RPA1: variants seen among roughly 807,000 people sequenced by gnomAD.
The protein encoded by RPA1 is replication protein A1.
In RPA1, 49 loss-of-function variants were observed where a neutral mutation model predicts 83.0. That is an observed-to-expected ratio of 0.59 (90% CI 0.47 to 0.75). The LOEUF is 0.75. Among genes scored for constraint, RPA1 ranks in the 30% least tolerant of loss-of-function variants. The pLI is 0.00. For missense variants in RPA1, 693 were observed against 776.1 expected, an observed-to-expected ratio of 0.89 and a Z score of 1.27; for synonymous variants, 279 against 281.8, an observed-to-expected ratio of 0.99 and a Z score of 0.10.
chr17:1,871,612 A>G (rs1396317699), intron 5 of RPA1, among the ~76,000 whole-genome samples: 1 of 152,248 alleles, frequency 6.6e-6, no homozygotes, highest in Non-Finnish European at 1.5e-5. Flanking sequence ...AGGCAAAGTC[A>G]AATTCCATAA....
chr17:1,830,710 T>C (rs1911520105), intron 1 of RPA1: 1 of 152,168 alleles, frequency 6.6e-6, no homozygotes, highest in Non-Finnish European at 1.5e-5. Context: ...AAGTCCCTCT[T>C]TGTAAATTTT....
chr17:1,883,819 G>A lies in RPA1; in HGVS notation c.1249G>A (p.Ala417Thr), dbSNP rs534687363. ...ATTCGTTCACGTTTTCAGGTTTGAC[G>A]CAGAAGGACAAGCCTTAGATGGTGT... ...EAYKLRGWFD[A>T]EGQALDGVSI... The change falls in exon 13 of 17, where the codon GCA becomes ACA. Residue 417 changes from alanine to threonine, a missense_variant. Ala to Thr is a moderately conservative substitution (Grantham distance 58). Coordinates refer to ENST00000254719, the MANE Select transcript of RPA1 (RefSeq NM_002945.5). 9.3e-6 allele frequency: 15 copies of A among 1,614,066 alleles called. No homozygotes were observed. The East Asian group carries it at 1.1e-4, about 12-fold the overall frequency.
At chr17:1,883,761 A>G (rs1913888716) in intron 12 of RPA1, 51 bp from the exon 13 acceptor site, 1 of 1,609,254 alleles carries the variant, frequency 6.2e-7, no homozygotes, top group Non-Finnish European at 8.5e-7. Flanking sequence ...GTGGAGAAGC[A>G]GAAGCATGTC....
At chr17:1,888,417 T>C (rs145283522) in intron 13 of RPA1, among the ~76,000 whole-genome samples, 1 of 152,338 alleles carries the variant, frequency 6.6e-6, no homozygotes, top group South Asian at 2.1e-4. Context: ...TAATTTAGGA[T>C]TAACTCTTTT....
chr17:1,834,310 G>T (rs370620518), intron 1 of RPA1, among the ~76,000 whole-genome samples: 3 of 152,258 alleles, frequency 2.0e-5, no homozygotes, highest in African/African-American at 4.8e-5. Flanking sequence ...TCTCGCCTCA[G>T]CTTCCCAAAG....
At position 1,897,486 on chromosome 17, in the gene RPA1, C is replaced by G. The variant is rs1369145377; in HGVS notation, c.*311C>G. On this transcript the variant is annotated 3_prime_UTR_variant, in exon 17 of 17. Coordinates refer to ENST00000254719, the MANE Select transcript of RPA1 (RefSeq NM_002945.5). The stretch of plus-strand genomic sequence containing the variant: ...CAAGCAGGAATTATGTCGTAAGTCA[C>G]TGACCCTAACTGCAGACCATGAAGT... 1 of 249,432 alleles carries G rather than the reference C, an allele frequency of 4.0e-6. No homozygotes were observed. Among genetic ancestry groups the G allele is most frequent in the East Asian group, 9.5e-5 (1 of 10,504 alleles). 15.5% of individuals were successfully genotyped at this position (249,432 alleles called of 1,614,324 possible).
chr17:1,838,968 A>G (rs1911934771), intron 1 of RPA1, among the ~76,000 whole-genome samples: 1 of 151,960 alleles, frequency 6.6e-6, no homozygotes, highest in African/African-American at 2.4e-5. Context: ...CTCCTGCCTC[A>G]GCCTCCCGAG....
intron 13 of RPA1, 126 bp from the exon 14 acceptor site, chr17:1,888,549 A>G (rs1193675662): frequency 7.3e-6 from 6 of 823,942 alleles, no homozygotes; most frequent in Non-Finnish European, 1.1e-5. Context: ...CCCTGTGATC[A>G]TGTGTAATCT....
intron 5 of RPA1, among the ~76,000 whole-genome samples, chr17:1,863,502 C>T (rs533156022): frequency 6.6e-4 from 101 of 152,204 alleles, no homozygotes; most frequent in African/African-American, 2.3e-3. Flanking sequence ...TGTGAGCCAC[C>T]GTGCCTGGCC....
Position 1,888,661 on chromosome 17 carries a change from C to G in RPA1, c.1375-14C>G. Reference sequence around the variant, plus strand: ...TCGCGACTCCGTGCCTCATGCTGTTCTTTTCTCCCGAAGCCGGACTACTTT... The same window carrying G: ...TCGCGACTCCGTGCCTCATGCTGTTGTTTTCTCCCGAAGCCGGACTACTTT... On this transcript the variant is annotated splice_polypyrimidine_tract_variant and intron_variant, in intron 13 of 16. Coordinates refer to ENST00000254719, the MANE Select transcript of RPA1 (RefSeq NM_002945.5). 6.2e-7 allele frequency: 1 copy of G among 1,604,746 alleles called. No individual in the cohort carries two copies. The highest frequency in any genetic ancestry group is 8.5e-7 in the Non-Finnish European group (1 of 1,173,044).
In RPA1 at chr17:1,857,792, G is replaced by A. The variant is rs1278889118; in HGVS notation, c.361+4603G>A. On this transcript the variant is annotated intron_variant, in intron 5 of 16. Coordinates refer to ENST00000254719, the MANE Select transcript of RPA1 (RefSeq NM_002945.5). ...GAGAATAACTGCTTCTAGGCCGAGAGTAGGCAAGCTGTGGGCAAAAAAGGG... is the reference window on the plus strand; with the variant it reads ...GAGAATAACTGCTTCTAGGCCGAGAATAGGCAAGCTGTGGGCAAAAAAGGG... 5.6e-5 allele frequency among the ~76,000 whole-genome samples: 8 copies of A among 143,202 alleles called. No individual in the cohort carries two copies. The Admixed American group carries it at 5.7e-4, about 10-fold the overall frequency. The allele number at this position is 143,202 out of a possible 152,430, so 93.9% of individuals were successfully genotyped here.
At chr17:1,859,501 T>C (rs981070065) in intron 5 of RPA1, among the ~76,000 whole-genome samples, 2 of 152,244 alleles carry the variant, frequency 1.3e-5, no homozygotes, top group African/African-American at 2.4e-5. Context: ...ATCTATATAA[T>C]TTAGAATTCT....
In RPA1 at chr17:1,897,167, TTGA is replaced by T. The variant is rs1336793736; in HGVS notation, c.1846_1848del (p.Met616del). On this transcript the variant is annotated inframe_deletion, in exon 17 of 17. Coordinates refer to ENST00000254719, the MANE Select transcript of RPA1 (RefSeq NM_002945.5). ...GGTCATGAGCATCAGGAGAAGTGCA[TTGA>T]TGTGAGAGGAGCAGTGCCAATCGGG... 1.3e-6 allele frequency: 2 copies of T among 1,554,984 alleles called. No homozygotes were observed. The highest frequency in any genetic ancestry group is 2.7e-5 in the African/African-American group (2 of 73,202).
intron 5 of RPA1, among the ~76,000 whole-genome samples, chr17:1,869,736 A>C (rs1031286904): frequency 3.3e-5 from 5 of 152,144 alleles, no homozygotes; most frequent in African/African-American, 1.2e-4. Flanking sequence ...TAATTTTTAG[A>C]AGGATTTTTA....
chr17:1,831,708 C>T (rs1911603095), intron 1 of RPA1, among the ~76,000 whole-genome samples: 1 of 150,336 alleles, frequency 6.7e-6, no homozygotes, highest in African/African-American at 2.5e-5. Flanking sequence ...ACGCCATTCT[C>T]CTGTCTCAGC....
At chr17:1,879,987 A>G (rs1277915962) in intron 11 of RPA1, among the ~76,000 whole-genome samples, 1 of 145,728 alleles carries the variant, frequency 6.9e-6, no homozygotes, top group African/African-American at 2.6e-5. Flanking sequence ...CCTTCAGCAC[A>G]CACAGGAGGA....
intron 14 of RPA1, 85 bp downstream of exon 14, chr17:1,888,936 A>AT: frequency 7.1e-7 from 1 of 1,408,466 alleles, no homozygotes; most frequent in Non-Finnish European, 9.7e-7. Flanking sequence ...AACAGTAGAG[A>AT]CAAAGCATTC....
intron 7 of RPA1, among the ~76,000 whole-genome samples, chr17:1,876,748 A>C (rs1913589753): frequency 6.6e-6 from 1 of 152,170 alleles, no homozygotes; most frequent in Non-Finnish European, 1.5e-5. Context: ...CTCTAAGGTC[A>C]TGCTGCTTCA....
At chr17:1,835,621 T>TA (rs1198509292) in intron 1 of RPA1, among the ~76,000 whole-genome samples, 1 of 152,184 alleles carries the variant, frequency 6.6e-6, no homozygotes, top group African/African-American at 2.4e-5. Context: ...GTTGCTCTGA[T>TA]AGGGGCTCTT....
Sources: gnomAD v4.1 joint callset for allele counts (sites outside exome capture counted in the v4.1 genomes callset) on GRCh38, gnomAD v4.1.1 for gene constraint, MANE v1.5 for transcripts, NCBI Gene and HGNC (gene_info 2026-07-23, HGNC 2026-07-21) for gene names.